The following POLE variants were observed in gnomAD, a reference collection of about 807,000 sequenced individuals.
POLE encodes the protein DNA polymerase epsilon, catalytic subunit, also known as DNA polymerase epsilon catalytic subunit A.
In POLE, 188 loss-of-function variants were observed where a neutral mutation model predicts 279.2. The observed-to-expected ratio is 0.67, with a 90% CI of 0.60 to 0.76. The LOEUF is 0.76. Ranked by LOEUF, POLE falls within the 30% of genes least tolerant of loss-of-function variation. POLE has a pLI of 0.00. For missense variants in POLE, 2,703 were observed against 3,016.7 expected, an observed-to-expected ratio of 0.90 and a Z score of 2.44; for synonymous variants, 1,214 against 1,172.5, an observed-to-expected ratio of 1.04 and a Z score of -0.72.
At chr12:132,680,512 G>A in intron 3 of POLE, 95 bp downstream of exon 3, 4 of 963,010 alleles carry the variant, frequency 4.2e-6, no homozygotes, top group South Asian at 4.1e-5. Context: ...ATGGGCTGCT[G>A]TGCACTGGAA....
intron 2 of POLE, 57 bp from the exon 3 acceptor site, chr12:132,680,744 C>T: frequency 7.3e-7 from 1 of 1,368,636 alleles, no homozygotes; most frequent in Non-Finnish European, 1.0e-6. Flanking sequence ...GTTAGAGAAA[C>T]TTTCCTCCTA....
intron 45 of POLE, among the ~76,000 whole-genome samples, chr12:132,627,979 G>C (rs1421407227): frequency 6.6e-6 from 1 of 152,352 alleles, no homozygotes; most frequent in East Asian, 1.9e-4. Flanking sequence ...TTCTGCTGCT[G>C]CTTTGGCAAC....
rs552197817 is a variant in POLE, at chr12:132,685,350, G to A, written c.62+1904C>T. 7.9e-5 allele frequency among the ~76,000 whole-genome samples: 12 copies of A among 152,218 alleles called. 1 individual carries two copies. Among genetic ancestry groups the A allele is most frequent in the Admixed American group, 6.5e-4 (10 of 15,276 alleles). On this transcript the variant is annotated intron_variant, in intron 1 of 48. Coordinates refer to ENST00000320574, the MANE Select transcript of POLE (RefSeq NM_006231.4). ...ATTCACAGAGAGCTACCATTGACTG[G>A]TTACTGTATCACACCGTCCCAGTAC...
In POLE at chr12:132,654,005, C is replaced by T. The variant is rs149393718; in HGVS notation, c.3582+3131G>A. Among the ~76,000 whole-genome samples the T allele has an allele frequency of 1.2e-4, 18 of 152,302 alleles. No homozygotes were observed. In the East Asian group the frequency reaches 2.7e-3, roughly 23 times the overall value. ...TGGCAAATTCTAAAATTAAACAGTG[C>T]TTGCTATTCCCAGCATAAGTCCTAG... On this transcript the variant is annotated intron_variant, in intron 29 of 48. Coordinates refer to ENST00000320574, the MANE Select transcript of POLE (RefSeq NM_006231.4).
intron 41 of POLE, 33 bp downstream of exon 41, chr12:132,637,981 C>A: frequency 1.2e-6 from 2 of 1,610,776 alleles, no homozygotes; most frequent in Non-Finnish European, 1.7e-6. Flanking sequence ...CTCAAAGCCA[C>A]AGTGCTGCGT....
chr12:132,635,510 C>G (rs576077958), intron 42 of POLE, among the ~76,000 whole-genome samples: 1 of 152,366 alleles, frequency 6.6e-6, no homozygotes, highest in African/African-American at 2.4e-5. Context: ...AGTTGCCTGG[C>G]TCTGTCAGCT....
chr12:132,641,432 G>A (rs1028485441), intron 39 of POLE: 10 of 588,672 alleles, frequency 1.7e-5, no homozygotes, highest in Non-Finnish European at 2.4e-5. Flanking sequence ...AGGGAGGTCA[G>A]AGGCAGCACA....
intron 1 of POLE, among the ~76,000 whole-genome samples, chr12:132,685,858 C>G (rs947768826): frequency 6.6e-6 from 1 of 151,922 alleles, no homozygotes; most frequent in African/African-American, 2.4e-5. Context: ...AAAAGCTTCA[C>G]GTTCTCACAC....
intron 45 of POLE, among the ~76,000 whole-genome samples, chr12:132,627,576 GGT>G (rs2041862345): frequency 6.6e-6 from 1 of 152,190 alleles, no homozygotes; most frequent in Non-Finnish European, 1.5e-5. Context: ...TGGGATTACA[GGT>G]GTGAGTCACT....
Position 132,643,015 on chromosome 12 carries a change from C to T in POLE, c.4552-19G>A, listed in dbSNP as rs778642836. ...TGCGCACCTAGACCAACGCAGGCCA[C>T]GTCAGCCTCCCCCTGCGCAGGAGGA... On this transcript the variant is annotated intron_variant, in intron 35 of 48. Coordinates refer to ENST00000320574, the MANE Select transcript of POLE (RefSeq NM_006231.4). The T allele has an allele frequency of 5.7e-6, 9 of 1,574,948 alleles. No individual in the cohort carries two copies. The highest frequency in any genetic ancestry group is 2.2e-5 in the East Asian group (1 of 44,458).
chr12:132,641,005 T>A (rs1384738218), intron 39 of POLE: 3 of 456,618 alleles, frequency 6.6e-6, no homozygotes, highest in African/African-American at 6.0e-5. Context: ...AAGACTTGTT[T>A]TTGAGCACCT....
rs748106601 is a variant in POLE at position 132,632,781 on chromosome 12, C to G, written c.6019G>C (p.Val2007Leu). 3 of 1,609,132 alleles carry G rather than the reference C, an allele frequency of 1.9e-6. No homozygotes were observed. The East Asian group carries it at 6.7e-5, about 36-fold the overall frequency. Reference sequence around the variant, plus strand: ...AGCCCGTCCTTCATGCAGTGGTACACGGCCACGATGTACGCTGTGGAGAGG... The same window carrying G: ...AGCCCGTCCTTCATGCAGTGGTACAGGGCCACGATGTACGCTGTGGAGAGG... ...LMIVSAYIVA[V>L]YHCMKDGLRR... The change falls in exon 44 of 49, where the codon GTG becomes CTG. Residue 2007 changes from valine to leucine, a missense_variant. By Grantham distance (32) the Val-to-Leu change is conservative. Coordinates refer to ENST00000320574, the MANE Select transcript of POLE (RefSeq NM_006231.4).
In POLE at chr12:132,649,016, G is replaced by T. The variant is rs762002242; in HGVS notation, c.4062C>A (p.Asp1354Glu). 1 of 1,613,788 alleles carries T rather than the reference G, an allele frequency of 6.2e-7. No individual in the cohort carries two copies. Among genetic ancestry groups the T allele is most frequent in the Non-Finnish European group, 8.5e-7 (1 of 1,179,978 alleles). ...GGATGCTCAGCCTGATGCAGTGCAA[G>T]TCACTGCCAACGAGCGCCCACAGCC... is the stretch of plus-strand genomic sequence containing the variant. ...LFRLWALVGS[D>E]LHCIRLSIPR... is the part of the protein sequence containing the mutation. Residue 1354 changes from aspartate (D) to glutamate (E), a missense_variant, in exon 32 of 49, where the codon GAC becomes GAA. Physicochemically the swap from Asp to Glu is conservative, Grantham distance 45. Around this residue, in one of 5 missense-constraint regions of POLE, gnomAD observed 1,551 missense variants for 1,686.1 expected, o/e 0.92. Coordinates refer to ENST00000320574, the MANE Select transcript of POLE (RefSeq NM_006231.4).
chr12:132,671,019 T>C (rs1282920828), intron 16 of POLE, among the ~76,000 whole-genome samples: 3 of 152,006 alleles, frequency 2.0e-5, no homozygotes, highest in Non-Finnish European at 2.9e-5. Flanking sequence ...TCCCAGCACT[T>C]TGGGAGGCTG....
rs2041777200 is a variant in POLE at position 132,623,941 on chromosome 12, T to C, written c.*756A>G. On this transcript the variant is annotated 3_prime_UTR_variant, in exon 49 of 49. Transcript: ENST00000320574. The stretch of plus-strand genomic sequence containing the variant: ...GGGGTGTCTGCATTTCTGATTTACA[T>C]TTCATACTTGTTTGGTGCCCTGTGA... The C allele has an allele frequency of 5.3e-6, 1 of 187,934 alleles. No homozygotes were observed. Among genetic ancestry groups the C allele is most frequent in the South Asian group, 2.0e-4 (1 of 5,112 alleles). 11.6% of individuals were successfully genotyped at this position (187,934 alleles called of 1,614,324 possible). A position where few individuals can be genotyped will look rare whatever the true frequency, so the allele number is the denominator to read the frequency against.
At chr12:132,685,270 G>A (rs1396049144) in intron 1 of POLE, among the ~76,000 whole-genome samples, 3 of 150,264 alleles carry the variant, frequency 2.0e-5, no homozygotes, top group Non-Finnish European at 4.4e-5. Context: ...TTCACAGAGA[G>A]CTACCATTGA....
intron 32 of POLE, 105 bp downstream of exon 32, chr12:132,648,824 C>G (rs2042346227): frequency 1.6e-6 from 2 of 1,212,128 alleles, no homozygotes; most frequent in Non-Finnish European, 2.3e-6. Flanking sequence ...CTAGAACATC[C>G]CCATAAGGTA....
At chr12:132,680,136 GAC>G in intron 4 of POLE, 40 bp downstream of exon 4, 1 of 1,602,562 alleles carries the variant, frequency 6.2e-7, no homozygotes, top group Non-Finnish European at 8.6e-7. Context: ...ACCACAGAAT[GAC>G]ACACAGGTCG....
At chr12:132,649,594 C>T (rs1441690391) in intron 30 of POLE, 79 bp from the exon 31 acceptor site, 3 of 1,598,082 alleles carry the variant, frequency 1.9e-6, no homozygotes, top group Non-Finnish European at 2.6e-6. Flanking sequence ...CAAGCAGCCT[C>T]CCTAGGGGTC....
Sources: gnomAD v4.1 joint callset for allele counts (sites outside exome capture counted in the v4.1 genomes callset) on GRCh38, gnomAD v4.1.1 for gene constraint, gnomAD v4.1.1 regional missense constraint, MANE v1.5 for transcripts, NCBI Gene and HGNC (gene_info 2026-07-23, HGNC 2026-07-21) for gene names.